DCX: variants seen among roughly 807,000 people sequenced by gnomAD.
DCX encodes neuronal migration protein doublecortin.
In DCX, 4 loss-of-function variants were observed where a neutral mutation model predicts 20.9. That is an observed-to-expected ratio of 0.19 (90% confidence interval 0.09 to 0.44). The LOEUF (loss-of-function observed/expected upper bound fraction) is 0.44, where lower values mean the gene tolerates loss of function less well. DCX is among the 20% of genes least tolerant of loss of function. The pLI, the probability that DCX is intolerant of heterozygous loss-of-function variation, is 0.99. For synonymous variants in DCX, 103 were observed against 111.4 expected, an observed-to-expected ratio of 0.92 and a Z score of 0.47; for missense variants, 133 against 296.9, an observed-to-expected ratio of 0.45 and a Z score of 4.06.
In DCX at chrX:111,401,208, C is replaced by A. The variant is rs762031349; in HGVS notation, c.487G>T (p.Ala163Ser). The change falls in exon 3 of 7, where the codon GCT (alanine) becomes TCT (serine). Residue 163 changes from alanine (A) to serine (S), a missense_variant. Transcript: ENST00000636035. ...SANMKAPQSL[A>S]SSNSAQAREN... ...CTGGCCTGTGCACTGTTGCTGCTAG[C>A]CAAGGACTGGGGGGCTTTCATATTG... The A allele has an allele frequency of 1.3e-5, 16 of 1,209,669 alleles. No homozygotes were observed. Among genetic ancestry groups the A allele is most frequent in the Non-Finnish European group, 1.8e-5 (16 of 895,195 alleles).
intron 5 of DCX, among the ~76,000 whole-genome samples, 186 bp downstream of exon 5, chrX:111,330,718 T>C (rs1477515059): frequency 8.9e-6 from 1 of 112,239 alleles, no homozygotes; most frequent in Non-Finnish European, 1.9e-5. Flanking sequence ...TCCATTTGAA[T>C]GGAATAATGG....
At chrX:111,377,332 C>T in intron 3 of DCX, among the ~76,000 whole-genome samples, 1 of 111,830 alleles carries the variant, frequency 8.9e-6, no homozygotes, top group Middle Eastern at 4.7e-3. Context: ...TAGACCTGAC[C>T]TTCCCAGCTG....
At chrX:111,351,121 T>C (rs1328456983) in intron 3 of DCX, among the ~76,000 whole-genome samples, 4 of 111,990 alleles carry the variant, frequency 3.6e-5, no homozygotes, top group Non-Finnish European at 7.5e-5. Context: ...AGCCAAACCA[T>C]ACCAGTCAGT....
intron 3 of DCX, among the ~76,000 whole-genome samples, chrX:111,390,891 C>T (rs1191862542): frequency 9.2e-6 from 1 of 108,508 alleles, no homozygotes; most frequent in Non-Finnish European, 1.9e-5. Context: ...CCCAGCTACT[C>T]AAGAAGCTGA....
intron 3 of DCX, among the ~76,000 whole-genome samples, chrX:111,394,879 C>T (rs775128800): frequency 2.1e-3 from 238 of 112,316 alleles, no homozygotes; most frequent in African/African-American, 7.4e-3. Context: ...GCCTTCTGCT[C>T]CTTATACCAT....
intron 3 of DCX, among the ~76,000 whole-genome samples, chrX:111,368,789 C>T (rs1254870049): frequency 3.6e-5 from 4 of 109,801 alleles, no homozygotes; most frequent in Non-Finnish European, 7.6e-5. Context: ...CTAATTTAAC[C>T]ACATTTATAT....
intron 4 of DCX, 41 bp from the exon 5 acceptor site, chrX:111,331,082 C>T (rs766836054): frequency 8.3e-7 from 1 of 1,200,849 alleles, no homozygotes; most frequent in Admixed American, 2.2e-5. Context: ...GAGGATAAAA[C>T]AGGCTCAGCA....
chrX:111,409,909 G>A (rs918966611), intron 2 of DCX, 126 bp downstream of exon 2: 43 of 895,033 alleles, frequency 4.8e-5, no homozygotes, highest in Non-Finnish European at 6.8e-5. Flanking sequence ...TTAGAAATTT[G>A]AGCATCAATC....
At chrX:111,356,754 A>C (rs898259052) in intron 3 of DCX, among the ~76,000 whole-genome samples, 1 of 112,285 alleles carries the variant, frequency 8.9e-6, no homozygotes, top group Non-Finnish European at 1.9e-5. Context: ...TCAATTGAAC[A>C]GTCCTGTCAA....
At chrX:111,400,928 G>C (rs962129376) in intron 3 of DCX, 62 bp downstream of exon 3, 2 of 995,763 alleles carry the variant, frequency 2.0e-6, no homozygotes, top group African/African-American at 3.8e-5. Context: ...GATATTTTAG[G>C]TATAACATGA....
chrX:111,394,032 T>C (rs1378527363), intron 3 of DCX, among the ~76,000 whole-genome samples: 2 of 111,762 alleles, frequency 1.8e-5, no homozygotes, highest in Admixed American at 9.5e-5. Context: ...TACATAAAAA[T>C]CTGTACATGA....
chrX:111,327,438 G>A (rs916311794), intron 5 of DCX, among the ~76,000 whole-genome samples: 4 of 112,023 alleles, frequency 3.6e-5, no homozygotes, highest in African/African-American at 1.3e-4. Flanking sequence ...TGTCTGTAAG[G>A]AGAAATTTAT....
intron 6 of DCX, among the ~76,000 whole-genome samples, chrX:111,307,011 A>G (rs1269920415): frequency 1.8e-5 from 2 of 110,730 alleles, no homozygotes; most frequent in African/African-American, 6.6e-5. Flanking sequence ...TGAAAAGGGA[A>G]GGGGCTGCGA....
intron 2 of DCX, among the ~76,000 whole-genome samples, chrX:111,406,456 A>T (rs934833555): frequency 5.5e-4 from 61 of 111,744 alleles, no homozygotes; most frequent in African/African-American, 1.9e-3. Flanking sequence ...CCTTGTCAAT[A>T]TGTTTCCATA....
chrX:111,393,226 GTCTTA>G (rs1359606037), intron 3 of DCX, among the ~76,000 whole-genome samples: 1 of 110,819 alleles, frequency 9.0e-6, no homozygotes, highest in Non-Finnish European at 1.9e-5. Flanking sequence ...TAAGAAAACT[GTCTTA>G]TCTTTTCTTT....
intron 3 of DCX, among the ~76,000 whole-genome samples, chrX:111,379,274 A>G (rs1470572700): frequency 2.7e-5 from 3 of 111,662 alleles, no homozygotes; most frequent in African/African-American, 9.8e-5. Context: ...GGTTTTTGGT[A>G]CATACACAGA....
In DCX at chrX:111,388,247, A is replaced by G. The variant is rs188102476; in HGVS notation, c.705+12743T>C. Reference sequence around the variant, plus strand: ...TTCTCCTTTTCCTTCTATAGTTTATATCAGAGATGGATGCTCTGAAGTCCT... The same window carrying G: ...TTCTCCTTTTCCTTCTATAGTTTATGTCAGAGATGGATGCTCTGAAGTCCT... On this transcript the variant is annotated intron_variant, in intron 3 of 6. Transcript: ENST00000636035. Among the ~76,000 whole-genome samples, 6 of 111,713 alleles carry G rather than the reference A, an allele frequency of 5.4e-5. No individual in the cohort carries two copies. In the Admixed American group the frequency reaches 5.7e-4, roughly 11 times the overall value.
chrX:111,403,936 C>T (rs1402526443), intron 2 of DCX, among the ~76,000 whole-genome samples: 2 of 110,080 alleles, frequency 1.8e-5, no homozygotes, highest in African/African-American at 6.6e-5. Flanking sequence ...ATCCCAGCTA[C>T]TAGGGAGGCT....
At chrX:111,310,264 C>T (rs1182723997) in intron 6 of DCX, among the ~76,000 whole-genome samples, 6 of 111,007 alleles carry the variant, frequency 5.4e-5, no homozygotes, top group African/African-American at 1.6e-4. Flanking sequence ...CCCGGGAGTG[C>T]GGAGCTTGCA....
Sources: allele counts gnomAD v4.1 joint callset (sites outside exome capture counted in the v4.1 genomes callset), GRCh38; gene constraint gnomAD v4.1.1; transcripts MANE v1.5; gene names NCBI Gene and HGNC (gene_info 2026-07-23, HGNC 2026-07-21).